TTLL8: variants seen among roughly 807,000 people sequenced by gnomAD.
TTLL8 encodes the protein tubulin tyrosine ligase like 8.
TTLL8 carries 65 observed loss-of-function variants against 77.8 expected under a neutral mutation model. The observed-to-expected ratio is 0.84, with a 90% CI of 0.68 to 1.03. The LOEUF (loss-of-function observed/expected upper bound fraction) is 1.03. Ranked by LOEUF, TTLL8 falls within the 50% of genes least tolerant of loss-of-function variation. The probability of loss-of-function intolerance (pLI) is 0.00; values close to 1 mark genes in which losing one functional copy is unlikely to be tolerated. For missense variants in TTLL8, 910 were observed against 1,004.5 expected, an observed-to-expected ratio of 0.91 and a Z score of 1.27; for synonymous variants, 402 against 422.8, an observed-to-expected ratio of 0.95 and a Z score of 0.60.
At chr22:50,035,470 A>G (rs1156564639) in intron 8 of TTLL8, among the ~76,000 whole-genome samples, 2 of 152,140 alleles carry the variant, frequency 1.3e-5, no homozygotes, top group Non-Finnish European at 1.5e-5. Context: ...CCCTGTAGGG[A>G]CAAGCCCCTC....
upstream of TTLL8, chr22:50,055,067 A>T: frequency 1.2e-6 from 1 of 848,980 alleles, no homozygotes; most frequent in Non-Finnish European, 1.4e-6. Flanking sequence ...CTCAAAAATA[A>T]GTTAAGTAAA....
At chr22:50,030,254 G>C in intron 12 of TTLL8, 176 bp downstream of exon 13, 1 of 985,282 alleles carries the variant, frequency 1.0e-6, no homozygotes, top group Non-Finnish European at 1.2e-6. Flanking sequence ...GCTGGGACAG[G>C]TGCCCCAACC....
Position 50,045,252 on chromosome 22 carries a change from C to T in TTLL8, c.643+3G>A. On this transcript the variant is annotated splice_donor_region_variant and intron_variant, in intron 6 of 13. Coordinates refer to ENST00000266182, the Ensembl canonical transcript of TTLL8. ...GGCACTGCCCTGCCCCGGCCCAGCG[C>T]ACCTTGCCTGCTGCTCAGGTCGCTG... The T allele has an allele frequency of 7.4e-7, 1 of 1,353,214 alleles. No homozygotes were observed. Among genetic ancestry groups the T allele is most frequent in the Non-Finnish European group, 9.8e-7 (1 of 1,021,106 alleles). 83.8% of individuals were successfully genotyped at this position (1,353,214 alleles called of 1,614,324 possible).
chr22:50,030,373 TG>T, intron 12 of TTLL8, 56 bp downstream of exon 13: 1 of 1,246,674 alleles, frequency 8.0e-7, no homozygotes, highest in South Asian at 1.4e-5. Flanking sequence ...TGGCGAGGGT[TG>T]GGGATGCAGC....
intron 12 of TTLL8, among the ~76,000 whole-genome samples, chr22:50,021,368 C>G (rs1394722794): frequency 7.0e-6 from 1 of 142,982 alleles, no homozygotes; most frequent in African/African-American, 2.7e-5. Flanking sequence ...CTGACATGCA[C>G]TCCTCCATCT....
Position 50,050,333 on chromosome 22 carries a change from G to A in TTLL8, c.52-86C>T, listed in dbSNP as rs561214564. The A allele has an allele frequency of 1.2e-4, 120 of 1,000,218 alleles. No individual in the cohort carries two copies. In the Middle Eastern group the frequency reaches 0.013, roughly 110 times the overall value. The allele number at this position is 1,000,218 out of a possible 1,614,324, so 62.0% of individuals were successfully genotyped here. A position where few individuals can be genotyped will look rare whatever the true frequency, so the allele number is the denominator to read the frequency against. ...TGGTTGCATGGATAAGCTTGTTAGT[G>A]CTGGTTTCTGAGATTTGGGGGCACC... On this transcript the variant is annotated intron_variant, in intron 1 of 13. Coordinates refer to ENST00000266182, the Ensembl canonical transcript of TTLL8.
chr22:50,044,846 G>C lies in TTLL8; in HGVS notation c.643+409C>G, dbSNP rs757373178. On this transcript the variant is annotated intron_variant, in intron 6 of 13. Coordinates refer to ENST00000266182, the Ensembl canonical transcript of TTLL8. The surrounding 1 kb of genome is among the most constrained non-coding windows in gnomAD (Gnocchi z 4.2). ...AACACGACGGCTGGTTCACATCCCT[G>C]TACCACCCAGGGGCGCCTCTCCCCT... is the stretch of plus-strand genomic sequence containing the variant. Among the ~76,000 whole-genome samples, 61 of 152,124 alleles carry C rather than the reference G, an allele frequency of 4.0e-4. No homozygotes were observed. The highest frequency in any genetic ancestry group is 5.9e-4 in the Admixed American group (9 of 15,276).
chr22:50,019,797 A>G (rs1161436334), intron 12 of TTLL8, among the ~76,000 whole-genome samples: 1 of 152,236 alleles, frequency 6.6e-6, no homozygotes, highest in Non-Finnish European at 1.5e-5. Context: ...TCTGCTTTGC[A>G]GTGATTTCTT....
At chr22:50,020,467 A>G (rs1375836257) in intron 12 of TTLL8, among the ~76,000 whole-genome samples, 1 of 143,852 alleles carries the variant, frequency 7.0e-6, no homozygotes, top group African/African-American at 2.7e-5. Flanking sequence ...CCTCCATCAG[A>G]TGATGTGTAC....
intron 1 of TTLL8, among the ~76,000 whole-genome samples, chr22:50,052,897 C>T (rs924649731): frequency 7.2e-5 from 11 of 152,104 alleles, no homozygotes; most frequent in African/African-American, 2.2e-4. Context: ...TTGAACAACT[C>T]AAATAACAAA....
intron 12 of TTLL8, among the ~76,000 whole-genome samples, chr22:50,018,774 T>C (rs1404265283): frequency 1.3e-5 from 2 of 152,208 alleles, no homozygotes; most frequent in Non-Finnish European, 2.9e-5. Flanking sequence ...CTGCAGAGAA[T>C]CTGACGCTGT....
chr22:50,046,071 A>G, intron 4 of TTLL8, 101 bp from the exon 7 acceptor site: 1 of 1,091,724 alleles, frequency 9.2e-7, no homozygotes, highest in Non-Finnish European at 1.2e-6. Context: ...TTGCCTGGCT[A>G]TGGGGCACCA....
At chr22:50,057,443 G>GAGC (rs2061482446), upstream of TTLL8, among the ~76,000 whole-genome samples, 1 of 74,932 alleles carries the variant, frequency 1.3e-5, no homozygotes, top group Non-Finnish European at 2.6e-5. Context: ...GGTCTGGGTT[G>GAGC]GGGGTCAGGT....
intron 4 of TTLL8, chr22:50,046,948 C>T (rs1381408522): frequency 4.4e-6 from 2 of 453,914 alleles, no homozygotes; most frequent in Non-Finnish European, 5.8e-6. Context: ...GCTTCTGGGG[C>T]CCCGGATTCA....
intron 4 of TTLL8, among the ~76,000 whole-genome samples, chr22:50,046,915 G>C (rs1158409307): frequency 1.3e-5 from 2 of 152,246 alleles, no homozygotes; most frequent in Non-Finnish European, 2.9e-5. Context: ...CCCCATCTTT[G>C]GCCTCTGTGC....
chr22:50,037,066 G>A (rs2061341993), intron 8 of TTLL8, among the ~76,000 whole-genome samples: 1 of 152,110 alleles, frequency 6.6e-6, no homozygotes, highest in Non-Finnish European at 1.5e-5. Context: ...GGATTATCTG[G>A]GCCATTGGGT....
chr22:50,039,722 A>T (rs866699328), intron 8 of TTLL8, among the ~76,000 whole-genome samples: 23 of 151,332 alleles, frequency 1.5e-4, no homozygotes, highest in African/African-American at 5.4e-4. Context: ...GTGTGGACAG[A>T]CCTCACTGAC....
upstream of TTLL8, among the ~76,000 whole-genome samples, chr22:50,057,420 G>A (rs2061481389): frequency 8.5e-6 from 1 of 117,384 alleles, no homozygotes; most frequent in Non-Finnish European, 1.8e-5. Flanking sequence ...CGGGAGGTCT[G>A]GGTTGGGGGT....
rs549635819 is a variant in TTLL8 at position 50,023,427 on chromosome 22, G to A, written c.2204-6865C>T. On this transcript the variant is annotated intron_variant, in intron 12 of 13. Coordinates refer to ENST00000266182, the Ensembl canonical transcript of TTLL8. ...AGGCTGGGCACGGTGGCTGACGCCT[G>A]TAATCCCAGCACTTTGGGAGGCCGA... 2.6e-5 allele frequency among the ~76,000 whole-genome samples: 4 copies of A among 152,326 alleles called. No homozygotes were observed. In the East Asian group the frequency reaches 7.7e-4, roughly 29 times the overall value.
Sources: allele counts gnomAD v4.1 joint callset (sites outside exome capture counted in the v4.1 genomes callset), GRCh38; gene constraint gnomAD v4.1.1; non-coding constraint Gnocchi (gnomAD v3.1); transcripts MANE v1.5; gene names NCBI Gene and HGNC (gene_info 2026-07-23, HGNC 2026-07-21).